Variants in HEATR5B observed in about 807,000 individuals in gnomAD.
HEATR5B encodes the protein HEAT repeat containing 5B, also known as HEAT repeat-containing protein 5B.
In HEATR5B, 156 loss-of-function variants were observed where a neutral mutation model predicts 224.1. The ratio of observed to expected loss-of-function variants is 0.70; its 90% confidence interval spans 0.61 to 0.80. The LOEUF is 0.80. Ranked by LOEUF, HEATR5B falls within the 30% of genes least tolerant of loss-of-function variation. HEATR5B has a pLI of 0.00. For synonymous variants in HEATR5B, 1,027 were observed against 893.0 expected, an observed-to-expected ratio of 1.15 and a Z score of -2.68; for missense variants, 2,323 against 2,535.5, an observed-to-expected ratio of 0.92 and a Z score of 1.80.
chr2:37,017,188 C>T (rs1668170415), intron 26 of HEATR5B, among the ~76,000 whole-genome samples: 1 of 152,144 alleles, frequency 6.6e-6, no homozygotes, highest in Admixed American at 6.5e-5. Flanking sequence ...CATTCAAGAC[C>T]ATCTTGGCCA....
rs902332928 is a variant in HEATR5B at position 37,000,238 on chromosome 2, C to T, written c.5545+348G>A. ...GATTACAGGCACGTGCCACCATACC[C>T]GGCTAATTCTGTATTTTTAGTAGAG... On this transcript the variant is annotated intron_variant, in intron 33 of 35. Transcript: ENST00000233099. Among the ~76,000 whole-genome samples the T allele has an allele frequency of 5.9e-5, 9 of 152,032 alleles. No homozygotes were observed. In the South Asian group the frequency reaches 6.2e-4, roughly 11 times the overall value.
intron 5 of HEATR5B, among the ~76,000 whole-genome samples, chr2:37,073,085 C>T (rs1558378170): frequency 6.6e-6 from 1 of 152,194 alleles, no homozygotes; most frequent in Non-Finnish European, 1.5e-5. Context: ...AGGGAACTTT[C>T]CAACTAATCC....
chr2:37,027,830 A>C (rs1668875078), intron 24 of HEATR5B, 93 bp downstream of exon 24: 1 of 1,285,192 alleles, frequency 7.8e-7, no homozygotes, highest in African/African-American at 1.5e-5. Context: ...ATTCTAAAGC[A>C]CGCTATATCT....
intron 26 of HEATR5B, among the ~76,000 whole-genome samples, chr2:37,016,526 G>T (rs1182814870): frequency 6.6e-6 from 1 of 152,134 alleles, no homozygotes; most frequent in Admixed American, 6.6e-5. Context: ...CACCTAGCAA[G>T]ATGTGTGGCA....
intron 21 of HEATR5B, among the ~76,000 whole-genome samples, chr2:37,035,445 C>G (rs1024805154): frequency 6.6e-6 from 1 of 152,134 alleles, no homozygotes; most frequent in Non-Finnish European, 1.5e-5. Context: ...AGTATCCTTG[C>G]AATACTACCC....
chr2:37,037,280 G>C (rs1041112597), intron 21 of HEATR5B, among the ~76,000 whole-genome samples: 2 of 151,040 alleles, frequency 1.3e-5, no homozygotes, highest in Non-Finnish European at 2.9e-5. Context: ...CGAATAGCTG[G>C]GACTACAGGT....
intron 2 of HEATR5B, among the ~76,000 whole-genome samples, chr2:37,080,286 T>G (rs995807356): frequency 6.6e-6 from 1 of 152,132 alleles, no homozygotes; most frequent in Non-Finnish European, 1.5e-5. Flanking sequence ...TGAGTAAGAG[T>G]TTGAAGCAGA....
chr2:37,013,661 G>A (rs187577314), intron 27 of HEATR5B, among the ~76,000 whole-genome samples, 180 bp downstream of exon 27: 3 of 152,166 alleles, frequency 2.0e-5, no homozygotes, highest in Non-Finnish European at 2.9e-5. Flanking sequence ...ATATTATGTA[G>A]GAGAGCCCTT....
chr2:37,066,892 CAG>C (rs201177130), intron 8 of HEATR5B, among the ~76,000 whole-genome samples: 6,886 of 151,118 alleles, frequency 0.046, 165 homozygotes, highest in Non-Finnish European at 0.052. Flanking sequence ...TTTTTTGAGA[CAG>C]AGTCTTGCTC....
rs780756559 is a variant in HEATR5B, at chr2:36,981,405, C to A, written c.*85G>T. 1.1e-5 allele frequency: 11 copies of A among 1,033,990 alleles called. No homozygotes were observed. The highest frequency in any genetic ancestry group is 1.4e-5 in the Non-Finnish European group (10 of 715,806). 64.1% of individuals were successfully genotyped at this position (1,033,990 alleles called of 1,614,324 possible). ...ATACCAATATACAAATAAAACAGAA[C>A]CCATAGGTAGCCTGGAATGATACAG... On this transcript the variant is annotated 3_prime_UTR_variant, in exon 36 of 36. Transcript: ENST00000233099.
At chr2:37,027,564 T>G (rs1668859004) in intron 24 of HEATR5B, among the ~76,000 whole-genome samples, 1 of 152,204 alleles carries the variant, frequency 6.6e-6, no homozygotes, top group South Asian at 2.1e-4. Context: ...AAAGCTCACT[T>G]TATTTATATG....
At chr2:37,034,331 C>T (rs921931939) in intron 21 of HEATR5B, among the ~76,000 whole-genome samples, 34 of 141,804 alleles carry the variant, frequency 2.4e-4, no homozygotes, top group African/African-American at 8.3e-4. Context: ...AAGACATCGC[C>T]GGCCGGGCGC....
At position 37,013,846 on chromosome 2, in the gene HEATR5B, C is replaced by T; in HGVS notation, c.4279G>A (p.Ala1427Thr). The T allele has an allele frequency of 6.3e-7, 1 of 1,578,880 alleles. No homozygotes were observed. Among genetic ancestry groups the T allele is most frequent in the Non-Finnish European group, 8.6e-7 (1 of 1,160,542 alleles). ...GATTGTGGTTTAGTCGTTACCTCTG[C>T]CCAAGCTTTGAGAACAGCCAGTTTT... ...MEKLAVLKAW[A>T]EVYVVAMNIK... is the part of the protein sequence containing the mutation. The change falls in exon 27 of 36, where the codon GCA (alanine) becomes ACA (threonine). Residue 1427 changes from alanine (A) to threonine (T), a missense_variant. Physicochemically the swap from Ala to Thr is moderately conservative, Grantham distance 58 (BLOSUM62 0). Transcript: ENST00000233099.
At position 37,077,033 on chromosome 2, in the gene HEATR5B, C is replaced by A. The variant is rs1431943486; in HGVS notation, c.339-14G>T. ...GCCACCGCAGCCCTGTAAGAAGTGACAACTTCACTAGTCATTGTCCAGGTT... is the reference window on the plus strand; with the variant it reads ...GCCACCGCAGCCCTGTAAGAAGTGAAAACTTCACTAGTCATTGTCCAGGTT... On this transcript the variant is annotated splice_polypyrimidine_tract_variant and intron_variant, in intron 3 of 35. Coordinates refer to ENST00000233099, the MANE Select transcript of HEATR5B (RefSeq NM_019024.3). 6.4e-7 allele frequency: 1 copy of A among 1,561,196 alleles called. No homozygotes were observed. Among genetic ancestry groups the A allele is most frequent in the African/African-American group, 1.4e-5 (1 of 73,746 alleles).
chr2:37,030,464 G>A (rs944407230), intron 22 of HEATR5B, among the ~76,000 whole-genome samples: 1 of 152,076 alleles, frequency 6.6e-6, no homozygotes, highest in African/African-American at 2.4e-5. Context: ...TAATCACTGA[G>A]GACAAATTCC....
chr2:37,003,741 TTATATTGTTAAAATC>T (rs1163748400), intron 30 of HEATR5B, 55 bp from the exon 31 acceptor site: 56 of 1,278,388 alleles, frequency 4.4e-5, no homozygotes, highest in Non-Finnish European at 5.5e-5. Context: ...AAGAATAACT[TTATATTGTTAAAATC>T]TGAGAAAATA....
chr2:36,990,505 G>A, intron 34 of HEATR5B, 143 bp downstream of exon 34: 3 of 644,292 alleles, frequency 4.7e-6, no homozygotes, highest in Middle Eastern at 4.5e-4. Context: ...TAAACCCAGT[G>A]ATTTGTTTCA....
intron 26 of HEATR5B, among the ~76,000 whole-genome samples, chr2:37,016,232 C>T (rs976569608): frequency 1.3e-5 from 2 of 151,668 alleles, no homozygotes; most frequent in Admixed American, 1.3e-4. Flanking sequence ...CTTGCCTCAG[C>T]CTCACAAGTA....
intron 19 of HEATR5B, 78 bp downstream of exon 19, chr2:37,041,055 C>A: frequency 8.5e-7 from 1 of 1,173,998 alleles, no homozygotes; most frequent in South Asian, 1.4e-5. Flanking sequence ...TTACCACGGT[C>A]ATTTTTATTT....
Sources: gnomAD v4.1 joint callset for allele counts (sites outside exome capture counted in the v4.1 genomes callset) on GRCh38, gnomAD v4.1.1 for gene constraint, MANE v1.5 for transcripts, NCBI Gene and HGNC (gene_info 2026-07-23, HGNC 2026-07-21) for gene names.